The following BICRA variants were observed in gnomAD, a reference collection of about 807,000 sequenced individuals.
BICRA encodes the protein BRD4 interacting chromatin remodeling complex associated protein, also known as BRD4-interacting chromatin-remodeling complex-associated protein.
In BICRA, 31 loss-of-function variants were observed where a neutral mutation model predicts 96.9. The ratio of observed to expected loss-of-function variants is 0.32; its 90% CI spans 0.24 to 0.43. BICRA has a LOEUF of 0.43. Among genes scored for constraint, BICRA ranks in the 20% least tolerant of loss-of-function variants. BICRA has a pLI of 1.00. For synonymous variants in BICRA, 1,350 were observed against 1,071.8 expected, an observed-to-expected ratio of 1.26 and a Z score of -5.07; for missense variants, 2,283 against 2,190.3, an observed-to-expected ratio of 1.04 and a Z score of -0.84.
chr19:47,685,786 T>TGTGTGCGCGCGCGTGC lies in BICRA; in HGVS notation c.2283+3635_2283+3636insTGTGCGCGCGCGTGCG. Among the ~76,000 whole-genome samples, 53 of 117,968 alleles carry TGTGTGCGCGCGCGTGC rather than the reference T, an allele frequency of 4.5e-4. 1 individual carries two copies. Among genetic ancestry groups the TGTGTGCGCGCGCGTGC allele is most frequent in the South Asian group, 9.1e-4 (3 of 3,282 alleles). The allele number at this position is 117,968 out of a possible 152,430, so 77.4% of individuals were successfully genotyped here. ...GTGTGTGTGTGTGTGTGTGTGTGTG[T>TGTGTGCGCGCGCGTGC]GCGCGCGCGCGCGCATGCGTACATT... is the stretch of plus-strand genomic sequence containing the variant. On this transcript the variant is annotated intron_variant, in intron 7 of 14. Coordinates refer to ENST00000594866, the MANE Select transcript of BICRA (RefSeq NM_001394372.1).
chr19:47,615,334 A>AT (rs1416183656), intron 1 of BICRA, among the ~76,000 whole-genome samples: 1 of 152,086 alleles, frequency 6.6e-6, no homozygotes, highest in African/African-American at 2.4e-5. Context: ...CTTCAATGTG[A>AT]TCCCACCTGT....
At position 47,701,639 on chromosome 19, in the gene BICRA, C is replaced by T. The variant is rs1159362884; in HGVS notation, c.3907C>T (p.Arg1303Trp). The change falls in exon 15 of 15, where the codon CGG becomes TGG. Residue 1303 changes from arginine (R) to tryptophan (W), a missense_variant. Coordinates refer to ENST00000594866, the MANE Select transcript of BICRA (RefSeq NM_001394372.1). This position sits in a 1 kb window ranked among gnomAD's most constrained non-coding sequence, Gnocchi z 5.4. ...NRPPIKTYEA[R>W]SRIGLKLKIK... The stretch of plus-strand genomic sequence containing the variant: ...CCCGCCCATCAAGACCTACGAGGCC[C>T]GGAGCCGCATCGGGCTCAAGCTCAA... The T allele has an allele frequency of 1.1e-5, 17 of 1,589,588 alleles. No homozygotes were observed. The highest frequency in any genetic ancestry group is 1.5e-5 in the Non-Finnish European group (17 of 1,169,386).
chr19:47,694,458 C>T lies in BICRA; in HGVS notation c.2627C>T (p.Ala876Val), dbSNP rs1356582846. The T allele has an allele frequency of 3.9e-6, 4 of 1,019,308 alleles. No individual in the cohort carries two copies. In the African/African-American group the frequency reaches 6.6e-5, roughly 17 times the overall value. 63.1% of individuals were successfully genotyped at this position (1,019,308 alleles called of 1,614,324 possible). The change falls in exon 8 of 15, where the codon GCC becomes GTC. Residue 876 changes from alanine (A) to valine (V), a missense_variant. Ala to Val is a moderately conservative substitution (Grantham distance 64). Transcript: ENST00000594866. ...CCGCCTGAGGGACCGCTGCCCCCAG[C>T]CCCCCACCTCCCTCCATCCTCCACC... ...SQPPEGPLPP[A>V]PHLPPSSTSS... is the part of the protein sequence containing the mutation.
chr19:47,687,132 A>G (rs1166811495), intron 7 of BICRA, among the ~76,000 whole-genome samples: 1 of 152,200 alleles, frequency 6.6e-6, no homozygotes, highest in Non-Finnish European at 1.5e-5. Flanking sequence ...AACTTTCTAT[A>G]AAGAGGCAAT....
chr19:47,702,113 G>A lies in BICRA; in HGVS notation c.4381G>A (p.Asp1461Asn), dbSNP rs1477395299. Residue 1461 changes from aspartate (D) to asparagine (N), a missense_variant, in exon 15 of 15, where the codon GAC (aspartate) becomes AAC (asparagine). By Grantham distance (23) the Asp-to-Asn change is conservative. Coordinates refer to ENST00000594866, the MANE Select transcript of BICRA (RefSeq NM_001394372.1). ...AGCCAGCGCCGCCCAAGGCACCGGG[G>A]ACCCCGACTGGGAGGCGCCCGGGCT... ...PAASAAQGTG[D>N]PDWEAPGLPP... The A allele has an allele frequency of 2.6e-6, 4 of 1,525,996 alleles. No homozygotes were observed. Among genetic ancestry groups the A allele is most frequent in the South Asian group, 2.4e-5 (2 of 82,710 alleles). 94.5% of individuals were successfully genotyped at this position (1,525,996 alleles called of 1,614,324 possible).
At chr19:47,661,850 G>A (rs1599830110) in intron 1 of BICRA, 1 of 152,332 alleles carries the variant, frequency 6.6e-6, no homozygotes, top group Non-Finnish European at 1.5e-5. Flanking sequence ...GCCCTGGCTG[G>A]GCACAGTGGC....
intron 1 of BICRA, among the ~76,000 whole-genome samples, chr19:47,620,559 T>A (rs1394079240): frequency 6.7e-6 from 1 of 148,250 alleles, no homozygotes; most frequent in Non-Finnish European, 1.5e-5. Context: ...TCCCAGCAAC[T>A]TGGGAAGCTG....
At chr19:47,693,887 A>G (rs1973279513) in intron 7 of BICRA, among the ~76,000 whole-genome samples, 1 of 151,900 alleles carries the variant, frequency 6.6e-6, no homozygotes, top group Non-Finnish European at 1.5e-5. Flanking sequence ...AGAAATGTGG[A>G]GGAGCTGCGG....
At chr19:47,638,870 G>A (rs1376744465) in intron 1 of BICRA, among the ~76,000 whole-genome samples, 1 of 152,100 alleles carries the variant, frequency 6.6e-6, no homozygotes, top group African/African-American at 2.4e-5. Flanking sequence ...GGCCAGGCTG[G>A]TCTCGAACTC....
intron 1 of BICRA, among the ~76,000 whole-genome samples, chr19:47,654,655 G>T (rs1001455229): frequency 1.3e-5 from 2 of 151,902 alleles, no homozygotes; most frequent in African/African-American, 4.8e-5. Flanking sequence ...ATTATTAATA[G>T]AAACATAACT....
In BICRA at chr19:47,694,488, C is replaced by A; in HGVS notation, c.2657C>A (p.Ser886Tyr). 1 of 1,532,880 alleles carries A rather than the reference C, an allele frequency of 6.5e-7. No homozygotes were observed. The highest frequency in any genetic ancestry group is 2.3e-5 in the East Asian group (1 of 44,026). 95.0% of individuals were successfully genotyped at this position (1,532,880 alleles called of 1,614,324 possible). ...CACCTCCCTCCATCCTCCACCTCCT[C>A]TGCTGTGGCCTCCTCCTCTGAGACG... ...APHLPPSSTS[S>Y]AVASSSETSS... Residue 886 changes from serine to tyrosine, a missense_variant, in exon 8 of 15, where the codon TCT becomes TAT. Transcript: ENST00000594866.
rs1403833514 is a variant in BICRA, at chr19:47,701,524, G to A, written c.3792G>A (p.Ala1264=). The A allele has an allele frequency of 7.8e-6, 12 of 1,548,230 alleles. No homozygotes were observed. Among genetic ancestry groups the A allele is most frequent in the Non-Finnish European group, 1.0e-5 (12 of 1,146,758 alleles). Residue 1264 remains alanine, a synonymous_variant, in exon 15 of 15, where the codon GCG becomes GCA. Transcript: ENST00000594866. This position sits in a 1 kb window ranked among gnomAD's most constrained non-coding sequence, Gnocchi z 5.4. ...CCCCTTCGGTCACCTGGGCCCGGGC[G>A]TCCTCCTCCCTGTCCTCCTCTTCCT... ...GGSPSVTWAR[A]SSSLSSSSSS...
At position 47,616,305 on chromosome 19, in the gene BICRA, T is replaced by A. The variant is rs138683375; in HGVS notation, c.-108+7137T>A. 1.2e-3 allele frequency among the ~76,000 whole-genome samples: 180 copies of A among 152,234 alleles called. 1 individual carries two copies. The highest frequency in any genetic ancestry group is 4.1e-3 in the African/African-American group (169 of 41,532). ...TAGATACCCAAGTTGCTATGGCCTT[T>A]CCCCCAAACCCTAGGCAATCAGTGT... On this transcript the variant is annotated intron_variant, in intron 1 of 14. Transcript: ENST00000594866.
upstream of BICRA, chr19:47,609,006 C>G (rs1971852141): frequency 7.0e-6 from 1 of 143,644 alleles, no homozygotes; most frequent in Admixed American, 6.9e-5. Context: ...CGGGCCTGGG[C>G]GCGGGGCGGC....
At chr19:47,671,834 G>A (rs1972867070) in intron 2 of BICRA, among the ~76,000 whole-genome samples, 1 of 146,672 alleles carries the variant, frequency 6.8e-6, no homozygotes, top group Non-Finnish European at 1.5e-5. Flanking sequence ...ATAGGTGGAT[G>A]GATGGAAGGA....
At chr19:47,657,458 A>G (rs552668481) in intron 1 of BICRA, among the ~76,000 whole-genome samples, 24 of 149,692 alleles carry the variant, frequency 1.6e-4, no homozygotes, top group African/African-American at 5.2e-4. Flanking sequence ...GTGCAGTGGC[A>G]TGATTTCGGC....
At chr19:47,673,085 A>C (rs961378567) in intron 2 of BICRA, among the ~76,000 whole-genome samples, 9 of 151,864 alleles carry the variant, frequency 5.9e-5, no homozygotes, top group African/African-American at 1.7e-4. Context: ...GACCCCCACC[A>C]CACGCCTCAT....
chr19:47,620,456 C>T (rs535866155), intron 1 of BICRA, among the ~76,000 whole-genome samples: 4 of 151,896 alleles, frequency 2.6e-5, no homozygotes, highest in Non-Finnish European at 4.4e-5. Flanking sequence ...CACCTGAGGT[C>T]GGGAGTTTGA....
At chr19:47,621,732 G>A (rs1972068008) in intron 1 of BICRA, among the ~76,000 whole-genome samples, 1 of 152,052 alleles carries the variant, frequency 6.6e-6, no homozygotes, top group Non-Finnish European at 1.5e-5. Context: ...GCCTCCCAAA[G>A]TGCTGGGATT....
Sources: gnomAD v4.1 joint callset for allele counts (sites outside exome capture counted in the v4.1 genomes callset) on GRCh38, gnomAD v4.1.1 for gene constraint, Gnocchi (gnomAD v3.1) non-coding constraint, MANE v1.5 for transcripts, NCBI Gene and HGNC (gene_info 2026-07-23, HGNC 2026-07-21) for gene names.